The following USP40 variants were observed in gnomAD, a reference collection of about 807,000 sequenced individuals.
USP40 encodes the protein ubiquitin specific peptidase 40, also known as ubiquitin carboxyl-terminal hydrolase 40.
A neutral mutation model predicts 166.2 loss-of-function variants in USP40; 143 were observed. The ratio of observed to expected loss-of-function variants is 0.86; its 90% CI spans 0.75 to 0.99. USP40 has a LOEUF of 0.99. Ranked by LOEUF, USP40 falls within the 50% of genes least tolerant of loss-of-function variation. USP40 has a pLI of 0.00. For missense variants in USP40, 1,444 were observed against 1,479.7 expected (o/e 0.98, Z 0.40); for synonymous variants, 498 against 524.0 (o/e 0.95, Z 0.68).
intron 2 of USP40, among the ~76,000 whole-genome samples, chr2:233,565,019 T>C (rs1376654454): frequency 6.6e-6 from 1 of 152,252 alleles, no homozygotes; most frequent in Admixed American, 6.5e-5. Flanking sequence ...TTTGTTATTC[T>C]AGAGAAATCT....
Position 233,511,819 on chromosome 2 carries a change from T to C in USP40, c.2438-22A>G, listed in dbSNP as rs757271913. On this transcript the variant is annotated intron_variant, in intron 19 of 31. Transcript: ENST00000678225. The stretch of plus-strand genomic sequence containing the variant: ...GGCACTTAAAAAAATTTTGATAATA[T>C]GATGAAGGTTATTAATTCCTAGCTC... The C allele has an allele frequency of 2.2e-5, 35 of 1,557,426 alleles. No individual in the cohort carries two copies. In the Admixed American group the frequency reaches 6.3e-4, roughly 28 times the overall value.
In USP40 at chr2:233,477,421, G is replaced by C. The variant is rs371831691; in HGVS notation, c.3682C>G (p.Leu1228Val). Residue 1228 changes from leucine to valine, a missense_variant, in exon 32 of 32, where the codon CTC becomes GTC. Transcript: ENST00000678225. ...CTGAAGCTCCCCACGTGGATGGAGA[G>C]AGAAGTTTCCGGGGCTCGGGGCCGG... ...PARPRAPETS[L>V]SIHVGSFR is the part of the protein sequence containing the mutation. The C allele has an allele frequency of 6.2e-7, 1 of 1,613,706 alleles. No individual in the cohort carries two copies. The highest frequency in any genetic ancestry group is 1.3e-5 in the African/African-American group (1 of 74,942).
At position 233,529,557 on chromosome 2, in the gene USP40, C is replaced by A. The variant is rs749362345; in HGVS notation, c.1472-45G>T. On this transcript the variant is annotated intron_variant, in intron 11 of 31. Coordinates refer to ENST00000678225, the MANE Select transcript of USP40 (RefSeq NM_001365479.2). The stretch of plus-strand genomic sequence containing the variant: ...TTAACTTGTGTTGGCTAAATGAAAT[C>A]TGGTTGCTGGAAGAGGTAGCATGAA... 10 of 1,473,834 alleles carry A rather than the reference C, an allele frequency of 6.8e-6. No individual in the cohort carries two copies. The South Asian group carries it at 1.2e-4, about 18-fold the overall frequency. The allele number at this position is 1,473,834 out of a possible 1,614,324, so 91.3% of individuals were successfully genotyped here. A position where few individuals can be genotyped will look rare whatever the true frequency, so the allele number is the denominator to read the frequency against.
chr2:233,535,688 A>T (rs2068882576), intron 10 of USP40, among the ~76,000 whole-genome samples: 1 of 152,214 alleles, frequency 6.6e-6, no homozygotes, highest in South Asian at 2.1e-4. Context: ...AGAGAAAAAT[A>T]ACATAATCTA....
intron 19 of USP40, chr2:233,512,345 G>A: frequency 3.1e-6 from 1 of 317,696 alleles, no homozygotes. Context: ...TGAGTAAAAT[G>A]AGAATCGGAT....
At chr2:233,529,401 A>G in intron 12 of USP40, 30 bp downstream of exon 12, 2 of 1,525,576 alleles carry the variant, frequency 1.3e-6, no homozygotes, top group Non-Finnish European at 1.8e-6. Context: ...CCGGAATACT[A>G]GTCAAACTCT....
intron 31 of USP40, among the ~76,000 whole-genome samples, chr2:233,478,868 G>A (rs2064352109): frequency 1.3e-5 from 2 of 152,226 alleles, no homozygotes; most frequent in Admixed American, 6.5e-5. Flanking sequence ...GAAAGGACAT[G>A]CAGGTGACGG....
chr2:233,483,750 C>A (rs1388593844), intron 30 of USP40, among the ~76,000 whole-genome samples: 3 of 152,130 alleles, frequency 2.0e-5, no homozygotes, highest in Non-Finnish European at 2.9e-5. Flanking sequence ...AAGTATAATG[C>A]AAATATTCCA....
chr2:233,478,766 G>A (rs1433477667), intron 31 of USP40, among the ~76,000 whole-genome samples: 7 of 152,168 alleles, frequency 4.6e-5, no homozygotes, highest in Non-Finnish European at 1.0e-4. Context: ...GGGCAGCTGA[G>A]TACACACTGG....
chr2:233,485,762 T>C lies in USP40; in HGVS notation c.3408+5A>G. The C allele has an allele frequency of 6.2e-7, 1 of 1,612,830 alleles. No individual in the cohort carries two copies. Among genetic ancestry groups the C allele is most frequent in the Non-Finnish European group, 8.5e-7 (1 of 1,179,484 alleles). The stretch of plus-strand genomic sequence containing the variant: ...AATTTCTCTGAGACAGCCCCACAAC[T>C]TTACCCAGCTAGATATCGGAAGCCA... On this transcript the variant is annotated splice_donor_5th_base_variant and intron_variant, in intron 29 of 31. Transcript: ENST00000678225.
chr2:233,477,445 G>A lies in USP40; in HGVS notation c.3658C>T (p.Arg1220Trp), dbSNP rs200793850. The A allele has an allele frequency of 3.6e-5, 58 of 1,613,770 alleles. No individual in the cohort carries two copies. Among genetic ancestry groups the A allele is most frequent in the Admixed American group, 2.3e-4 (14 of 60,026 alleles). The change falls in exon 32 of 32, where the codon CGG (arginine) becomes TGG (tryptophan). Residue 1220 changes from arginine (R) to tryptophan (W), a missense_variant. Physicochemically the swap from Arg to Trp is moderately radical, Grantham distance 101 (BLOSUM62 -3). Coordinates refer to ENST00000678225, the MANE Select transcript of USP40 (RefSeq NM_001365479.2). ...YILSSAETPARPRAPETSLSI... is the reference protein window; with the variant it reads ...YILSSAETPAWPRAPETSLSI... ...AGAGAAGTTTCCGGGGCTCGGGGCC[G>A]GGCAGGCGTCTCTGCACTGGAGAGG...
At chr2:233,523,865 C>T (rs1463440369) in intron 15 of USP40, among the ~76,000 whole-genome samples, 1 of 152,094 alleles carries the variant, frequency 6.6e-6, no homozygotes, top group Non-Finnish European at 1.5e-5. Flanking sequence ...TAGATTCTCA[C>T]TCTTCTAAAT....
chr2:233,540,669 A>G lies in USP40; in HGVS notation c.1163T>C (p.Leu388Pro). Residue 388 changes from leucine (L) to proline (P), a missense_variant, in exon 10 of 32, where the codon CTG (leucine) becomes CCG (proline). Transcript: ENST00000678225. Reference sequence around the variant, plus strand: ...AACGATGCCATGTATTACCTTCCGCAGTGGTCCATGCTGTTTTCTGTACTT... The same window carrying G: ...AACGATGCCATGTATTACCTTCCGCGGTGGTCCATGCTGTTTTCTGTACTT... The part of the protein sequence containing the change: ...NKKYRKQHGP[L>P]RKFLQLHSQI... 6.2e-7 allele frequency: 1 copy of G among 1,608,736 alleles called. No individual in the cohort carries two copies. Among genetic ancestry groups the G allele is most frequent in the Non-Finnish European group, 8.5e-7 (1 of 1,176,550 alleles).
chr2:233,500,009 C>A, intron 21 of USP40, 94 bp from the exon 22 acceptor site: 1 of 996,596 alleles, frequency 1.0e-6, no homozygotes, highest in South Asian at 1.6e-5. Context: ...CTATTTAAGT[C>A]TGACTATATT....
rs573405372 is a variant in USP40, at chr2:233,539,226, A to G, written c.1170+1436T>C. ...AATAGAAAAGGCAAAAAAAAAAATAAGAAGAATAGAGAAGAAACAAAGAAC... is the reference window on the plus strand; with the variant it reads ...AATAGAAAAGGCAAAAAAAAAAATAGGAAGAATAGAGAAGAAACAAAGAAC... On this transcript the variant is annotated intron_variant, in intron 10 of 31. Coordinates refer to ENST00000678225, the MANE Select transcript of USP40 (RefSeq NM_001365479.2). Among the ~76,000 whole-genome samples the G allele has an allele frequency of 5.9e-4, 89 of 150,916 alleles. 1 individual carries two copies. The highest frequency in any genetic ancestry group is 2.0e-3 in the African/African-American group (83 of 40,750).
At position 233,524,581 on chromosome 2, in the gene USP40, T is replaced by G. The variant is rs1222867136; in HGVS notation, c.1811-19A>C. 1.3e-5 allele frequency: 21 copies of G among 1,563,308 alleles called. No individual in the cohort carries two copies. The highest frequency in any genetic ancestry group is 1.7e-5 in the Non-Finnish European group (20 of 1,154,758). ...TCATCCCCTAGAAAGAGATCACCAG[T>G]GAGACCATTCATCATGACCATCAGA... On this transcript the variant is annotated intron_variant, in intron 14 of 31. Coordinates refer to ENST00000678225, the MANE Select transcript of USP40 (RefSeq NM_001365479.2).
chr2:233,499,220 T>C (rs1290066340), intron 22 of USP40, among the ~76,000 whole-genome samples: 1 of 146,190 alleles, frequency 6.8e-6, no homozygotes, highest in Non-Finnish European at 1.5e-5. Flanking sequence ...CCATGTGTTC[T>C]CATTGTTTGG....
At chr2:233,511,439 G>A (rs1235844842) in intron 20 of USP40, among the ~76,000 whole-genome samples, 6 of 152,142 alleles carry the variant, frequency 3.9e-5, no homozygotes, top group Admixed American at 3.3e-4. Flanking sequence ...TAGAACTTAG[G>A]AAATATAGTG....
intron 31 of USP40, among the ~76,000 whole-genome samples, chr2:233,479,380 T>C (rs558394969): frequency 2.6e-5 from 4 of 152,160 alleles, no homozygotes; most frequent in Non-Finnish European, 4.4e-5. Flanking sequence ...CTGGCCAACA[T>C]GGTGAAACCT....
Sources: gnomAD v4.1 joint callset for allele counts (sites outside exome capture counted in the v4.1 genomes callset) on GRCh38, gnomAD v4.1.1 for gene constraint, MANE v1.5 for transcripts, NCBI Gene and HGNC (gene_info 2026-07-23, HGNC 2026-07-21) for gene names.